MED1: variants seen among roughly 807,000 people sequenced by gnomAD.
MED1 encodes mediator complex subunit 1, also known as mediator of RNA polymerase II transcription subunit 1.
MED1 carries 17 observed loss-of-function variants against 121.3 expected under a neutral mutation model. The ratio of observed to expected loss-of-function variants is 0.14; its 90% CI spans 0.10 to 0.21. MED1 has a LOEUF of 0.21. MED1 is among the 10% of genes least tolerant of loss of function. The pLI, the probability that MED1 is intolerant of heterozygous loss-of-function variation, is 1.00. For missense variants in MED1, 1,558 were observed against 1,919.4 expected (o/e 0.81, Z 3.52); for synonymous variants, 661 against 694.4 (o/e 0.95, Z 0.76).
chr17:39,449,946 CTGGGATTACAG>C (rs1346033844), intron 1 of MED1, among the ~76,000 whole-genome samples: 1 of 26,130 alleles, frequency 3.8e-5, no homozygotes, highest in Non-Finnish European at 2.2e-4. Flanking sequence ...TCCCAGGTAG[CTGGGATTACAG>C]GCATTCACCA....
chr17:39,433,533 A>G (rs990811822), intron 7 of MED1, among the ~76,000 whole-genome samples: 1 of 150,572 alleles, frequency 6.6e-6, no homozygotes, highest in Admixed American at 6.6e-5. Flanking sequence ...GTTACTATAT[A>G]TATATATATA....
chr17:39,415,376 TA>T (rs1399523099), intron 14 of MED1, 37 bp from the exon 15 acceptor site: 2 of 1,551,036 alleles, frequency 1.3e-6, no homozygotes, highest in Admixed American at 3.5e-5. Context: ...AACAACCAAA[TA>T]TAAGACTTCA....
rs747893709 is a variant in MED1 at position 39,424,685 on chromosome 17, C to A, written c.793G>T (p.Val265Leu). ...AATGGTGCAATTGGGAGTTTGTACA[C>A]AGCAGATGTTCCTTCAATTGTCACT... Reference protein sequence around the residue: ...ASVTIEGTSAVYKLPIAPLIM... With the variant: ...ASVTIEGTSALYKLPIAPLIM... The change falls in exon 11 of 17, where the codon GTG (valine) becomes TTG (leucine). Residue 265 changes from valine to leucine, a missense_variant. By Grantham distance (32) the Val-to-Leu change is conservative. Coordinates refer to ENST00000300651, the MANE Select transcript of MED1 (RefSeq NM_004774.4). 30 of 1,611,202 alleles carry A rather than the reference C, an allele frequency of 1.9e-5. No homozygotes were observed. Among genetic ancestry groups the A allele is most frequent in the Non-Finnish European group, 2.5e-5 (30 of 1,178,862 alleles).
At chr17:39,420,983 T>C (rs977823125) in intron 13 of MED1, among the ~76,000 whole-genome samples, 1 of 151,374 alleles carries the variant, frequency 6.6e-6, no homozygotes, top group African/African-American at 2.4e-5. Context: ...TTTTTAGTAG[T>C]GACGGGGTTT....
intron 6 of MED1, among the ~76,000 whole-genome samples, chr17:39,437,066 G>C (rs532592712): frequency 1.1e-3 from 162 of 152,148 alleles, no homozygotes; most frequent in Middle Eastern, 0.01. Flanking sequence ...CCAAGTAGCT[G>C]AGATTACAAG....
Position 39,406,317 on chromosome 17 carries a change from G to A in MED1, c.*1158C>T, listed in dbSNP as rs1045271215. 16 of 985,432 alleles carry A rather than the reference G, an allele frequency of 1.6e-5. No individual in the cohort carries two copies. Among genetic ancestry groups the A allele is most frequent in the Non-Finnish European group, 1.9e-5 (16 of 829,932 alleles). 61.0% of individuals were successfully genotyped at this position (985,432 alleles called of 1,614,324 possible). ...ACTGTTTTATCTCAGGGAGCATACA[G>A]TGGAGTGATTAAAGTTTGGACTCCT... On this transcript the variant is annotated 3_prime_UTR_variant, in exon 17 of 17. Transcript: ENST00000300651.
chr17:39,449,876 G>A (rs1216465599), intron 1 of MED1, among the ~76,000 whole-genome samples: 5 of 134,388 alleles, frequency 3.7e-5, no homozygotes, highest in Admixed American at 3.2e-4. Context: ...ATGCAATGGC[G>A]CAGTCTTGGC....
rs2048317249 is a variant in MED1 at position 39,407,795 on chromosome 17, A to G, written c.4426T>C (p.Tyr1476His). 6.2e-7 allele frequency: 1 copy of G among 1,614,088 alleles called. No individual in the cohort carries two copies. The highest frequency in any genetic ancestry group is 8.5e-7 in the Non-Finnish European group (1 of 1,180,028). Residue 1476 changes from tyrosine to histidine, a missense_variant, in exon 17 of 17, where the codon TAT (tyrosine) becomes CAT (histidine). By Grantham distance (83) the Tyr-to-His change is moderately conservative. Transcript: ENST00000300651. ...ESGSSIAEKS[Y>H]QNSPSSDDGI... Reference sequence around the variant, plus strand: ...TCGTCTGAGCTGGGACTATTCTGATAAGATTTCTCTGCTATGGAGGAGCCT... The same window carrying G: ...TCGTCTGAGCTGGGACTATTCTGATGAGATTTCTCTGCTATGGAGGAGCCT...
intron 2 of MED1, chr17:39,445,574 A>AAAG (rs963759829): frequency 2.0e-5 from 3 of 152,140 alleles, no homozygotes; most frequent in African/African-American, 7.2e-5. Flanking sequence ...GCAAAACTGA[A>AAAG]AAGTAGACAA....
intron 2 of MED1, among the ~76,000 whole-genome samples, chr17:39,447,521 T>C (rs4794810): frequency 0.61 from 92,544 of 152,086 alleles, 31,819 homozygotes; most frequent in South Asian, 0.89. Flanking sequence ...ATAAATTATG[T>C]GTTTAGACTT....
chr17:39,439,019 C>G (rs998486085), intron 6 of MED1, 146 bp downstream of exon 6: 2 of 679,468 alleles, frequency 2.9e-6, no homozygotes, highest in East Asian at 5.9e-5. Context: ...CAATTCAGGA[C>G]GTGATTAAGT....
chr17:39,441,799 A>G (rs2048677707), intron 3 of MED1, among the ~76,000 whole-genome samples: 4 of 151,632 alleles, frequency 2.6e-5, no homozygotes, highest in Admixed American at 2.6e-4. Context: ...AAAAAAAGGT[A>G]AAGAAGATAA....
chr17:39,405,365 T>C lies in MED1; in HGVS notation c.*2110A>G. 1.9e-6 allele frequency: 3 copies of C among 1,569,732 alleles called. No individual in the cohort carries two copies. The highest frequency in any genetic ancestry group is 1.3e-5 in the African/African-American group (1 of 74,206). On this transcript the variant is annotated 3_prime_UTR_variant, in exon 17 of 17. Coordinates refer to ENST00000300651, the MANE Select transcript of MED1 (RefSeq NM_004774.4). ...CCCAGTTTACTCATTTTGGTATTTG[T>C]TGGCCCTGCATGGGGGAGCTGAGCC...
At position 39,409,246 on chromosome 17, in the gene MED1, G is replaced by A. The variant is rs761155138; in HGVS notation, c.2975C>T (p.Pro992Leu). 1 of 1,614,068 alleles carries A rather than the reference G, an allele frequency of 6.2e-7. No homozygotes were observed. Among genetic ancestry groups the A allele is most frequent in the Non-Finnish European group, 8.5e-7 (1 of 1,180,016 alleles). ...TLSGPGLDSK[P>L]GKRSRTPSND... ...AGAAGGGGTCCGACTGCGCTTCCCT[G>A]GTTTGCTGTCTAATCCGGGCCCCGA... is the stretch of plus-strand genomic sequence containing the variant. The change falls in exon 17 of 17, where the codon CCA (proline) becomes CTA (leucine). Residue 992 changes from proline (P) to leucine (L), a missense_variant. Pro to Leu is a moderately conservative substitution (Grantham distance 98). Transcript: ENST00000300651.
In MED1 at chr17:39,423,798, G is replaced by A. The variant is rs368944672; in HGVS notation, c.875C>T (p.Thr292Ile). 5.9e-5 allele frequency: 95 copies of A among 1,612,952 alleles called. No individual in the cohort carries two copies. The highest frequency in any genetic ancestry group is 3.7e-4 in the Admixed American group (22 of 59,698). ...NKWTPSFSSI[T>I]SANSVDLPAC... ...AGGAAGATCAACACTGTTGGCACTG[G>A]TGATTGAGGAGAAGGAAGGGGTCCT... is the stretch of plus-strand genomic sequence containing the variant. The change falls in exon 12 of 17, where the codon ACC becomes ATC. Residue 292 changes from threonine to isoleucine, a missense_variant. Around this residue, in one of 5 missense-constraint regions of MED1, gnomAD observed 443 missense variants for 532.4 expected, o/e 0.83. Transcript: ENST00000300651.
Position 39,405,363 on chromosome 17 carries a change from T to C in MED1, c.*2112A>G. On this transcript the variant is annotated 3_prime_UTR_variant, in exon 17 of 17. Transcript: ENST00000300651. ...TTCCCAGTTTACTCATTTTGGTATT[T>C]GTTGGCCCTGCATGGGGGAGCTGAG... The C allele has an allele frequency of 6.4e-7, 1 of 1,570,352 alleles. No homozygotes were observed. The highest frequency in any genetic ancestry group is 8.6e-7 in the Non-Finnish European group (1 of 1,157,262).
Position 39,407,092 on chromosome 17 carries a change from T to A in MED1, c.*383A>T. On this transcript the variant is annotated 3_prime_UTR_variant, in exon 17 of 17. Coordinates refer to ENST00000300651, the MANE Select transcript of MED1 (RefSeq NM_004774.4). Reference sequence around the variant, plus strand: ...TTTTCTGCCCAGCCCTTCATATACATGCACTAAAATGAGTTTAAAACATGG... The same window carrying A: ...TTTTCTGCCCAGCCCTTCATATACAAGCACTAAAATGAGTTTAAAACATGG... 2 of 996,564 alleles carry A rather than the reference T, an allele frequency of 2.0e-6. No individual in the cohort carries two copies. Among genetic ancestry groups the A allele is most frequent in the Non-Finnish European group, 2.4e-6 (2 of 837,064 alleles). The allele number at this position is 996,564 out of a possible 1,614,324, so 61.7% of individuals were successfully genotyped here.
At chr17:39,423,588 G>T in intron 12 of MED1, 109 bp downstream of exon 12, 1 of 1,501,392 alleles carries the variant, frequency 6.7e-7, no homozygotes. Context: ...ATCTTTACCA[G>T]TAATACTTCA....
At position 39,440,665 on chromosome 17, in the gene MED1, G is replaced by A. The variant is rs1370606612; in HGVS notation, c.224C>T (p.Pro75Leu). Residue 75 changes from proline to leucine, a missense_variant, in exon 4 of 17, where the codon CCA becomes CTA. By Grantham distance (98) the Pro-to-Leu change is moderately conservative. Transcript: ENST00000300651. This position sits in a 1 kb window ranked among gnomAD's most constrained non-coding sequence, Gnocchi z 4.1. ...GGACTCCAAACGATCAGTCATTGCT[G>A]GTAAAGATGTTACTATAAAAGGATG... ...LQKALKVTSL[P>L]AMTDRLESIA... 2.5e-6 allele frequency: 4 copies of A among 1,612,330 alleles called. No homozygotes were observed. Among genetic ancestry groups the A allele is most frequent in the Non-Finnish European group, 2.5e-6 (3 of 1,179,208 alleles).
Sources: allele counts gnomAD v4.1 joint callset (sites outside exome capture counted in the v4.1 genomes callset), GRCh38; gene constraint gnomAD v4.1.1; regional missense constraint gnomAD v4.1.1; non-coding constraint Gnocchi (gnomAD v3.1); transcripts MANE v1.5; gene names NCBI Gene and HGNC (gene_info 2026-07-23, HGNC 2026-07-21).